The following DAB1 variants were observed in gnomAD, a reference collection of about 807,000 sequenced individuals.
The protein encoded by DAB1 is disabled homolog 1.
Under a neutral mutation model 64.6 loss-of-function variants are expected in DAB1, and 15 were observed. The observed-to-expected ratio is 0.23, with a 90% CI of 0.16 to 0.36. The LOEUF (loss-of-function observed/expected upper bound fraction) is 0.36. Among genes scored for constraint, DAB1 ranks in the 10% least tolerant of loss-of-function variants. The probability of loss-of-function intolerance (pLI) is 1.00; values close to 1 mark genes in which losing one functional copy is unlikely to be tolerated. For synonymous variants in DAB1, 235 were observed against 251.9 expected, an observed-to-expected ratio of 0.93 and a Z score of 0.64; for missense variants, 596 against 706.7, an observed-to-expected ratio of 0.84 and a Z score of 1.78.
intron 1 of DAB1, among the ~76,000 whole-genome samples, chr1:57,827,926 A>G (rs1215042160): frequency 6.6e-6 from 1 of 152,156 alleles, no homozygotes; most frequent in African/African-American, 2.4e-5. Context: ...ATATGTTGAC[A>G]TGATCATCCC....
intron 3 of DAB1, among the ~76,000 whole-genome samples, chr1:58,376,057 T>C (rs1370908943): frequency 3.3e-5 from 5 of 152,052 alleles, no homozygotes; most frequent in Non-Finnish European, 5.9e-5. Flanking sequence ...ATTGTGTCTA[T>C]TTGATTCTTC....
intron 4 of DAB1, among the ~76,000 whole-genome samples, chr1:58,230,503 A>G (rs912218972): frequency 1.3e-5 from 2 of 152,118 alleles, no homozygotes; most frequent in Non-Finnish European, 2.9e-5. Flanking sequence ...CACCTCTACA[A>G]CAAAGCCCAA....
chr1:58,174,733 C>T (rs1570447770), intron 4 of DAB1, among the ~76,000 whole-genome samples: 2 of 151,978 alleles, frequency 1.3e-5, no homozygotes, highest in East Asian at 1.9e-4. Flanking sequence ...CCAATCAGTG[C>T]TCTGTGTCTA....
chr1:57,481,282 T>C (rs1644015896), intron 7 of DAB1, among the ~76,000 whole-genome samples: 1 of 152,162 alleles, frequency 6.6e-6, no homozygotes, highest in Non-Finnish European at 1.5e-5. Flanking sequence ...CTCAATCTAA[T>C]CCAATCCCTC....
chr1:58,343,108 A>C (rs971273926), intron 4 of DAB1, among the ~76,000 whole-genome samples: 14 of 151,692 alleles, frequency 9.2e-5, no homozygotes, highest in African/African-American at 2.9e-4. Context: ...TCCAGCCCCA[A>C]CTCCCTTTTC....
intron 3 of DAB1, among the ~76,000 whole-genome samples, chr1:58,357,099 A>C (rs1226492331): frequency 6.6e-6 from 1 of 151,698 alleles, no homozygotes; most frequent in Non-Finnish European, 1.5e-5. Context: ...CCATGGGAAG[A>C]TTTTAAGCAG....
chr1:58,212,799 A>T (rs1206293303), intron 4 of DAB1, among the ~76,000 whole-genome samples: 3 of 152,126 alleles, frequency 2.0e-5, no homozygotes, highest in African/African-American at 7.2e-5. Context: ...TATTGGAATG[A>T]TTTCTAATTT....
intron 1 of DAB1, among the ~76,000 whole-genome samples, chr1:57,879,951 TCTC>T (rs1301174398): frequency 6.6e-6 from 1 of 152,078 alleles, no homozygotes; most frequent in African/African-American, 2.4e-5. Context: ...TCATTTCTCT[TCTC>T]CTGCTGACGC....
chr1:57,875,972 A>G (rs1256258615), intron 1 of DAB1, among the ~76,000 whole-genome samples: 2 of 152,208 alleles, frequency 1.3e-5, no homozygotes, highest in Non-Finnish European at 2.9e-5. Context: ...TGTCACTGCT[A>G]AGTCCAGCTC....
intron 4 of DAB1, among the ~76,000 whole-genome samples, chr1:58,219,059 CAG>C (rs1659019605): frequency 6.9e-6 from 1 of 143,920 alleles, no homozygotes; most frequent in African/African-American, 2.6e-5. Flanking sequence ...ATTTAAAATA[CAG>C]ATACATTTTT....
At chr1:57,346,065 G>C (rs961740291) in intron 1 of DAB1, among the ~76,000 whole-genome samples, 1 of 152,172 alleles carries the variant, frequency 6.6e-6, no homozygotes, top group Non-Finnish European at 1.5e-5. Flanking sequence ...GCTAGAAAAC[G>C]GAAGAGGTTA....
chr1:57,745,656 A>T (rs1648228401), intron 6 of DAB1, among the ~76,000 whole-genome samples: 1 of 152,224 alleles, frequency 6.6e-6, no homozygotes, highest in South Asian at 2.1e-4. Flanking sequence ...AATTACCAAA[A>T]ATGCAATGAA....
intron 5 of DAB1, among the ~76,000 whole-genome samples, chr1:57,966,775 T>C (rs1645676480): frequency 6.6e-6 from 1 of 152,214 alleles, no homozygotes; most frequent in African/African-American, 2.4e-5. Context: ...TTCACTTTCA[T>C]TCACTGTTTA....
chr1:57,403,001 T>C (rs1683368143), intron 1 of DAB1, among the ~76,000 whole-genome samples: 2 of 152,204 alleles, frequency 1.3e-5, no homozygotes, highest in Admixed American at 6.5e-5. Flanking sequence ...GCTTCAAAGA[T>C]ACAGGTCAGA....
chr1:58,489,527 C>G (rs950389236), intron 3 of DAB1, among the ~76,000 whole-genome samples: 2 of 152,106 alleles, frequency 1.3e-5, no homozygotes, highest in Non-Finnish European at 2.9e-5. Flanking sequence ...CAGGGCATAG[C>G]CAAACAAAAG....
intron 4 of DAB1, among the ~76,000 whole-genome samples, chr1:58,316,729 T>C (rs1662566282): frequency 6.6e-6 from 1 of 152,194 alleles, no homozygotes; most frequent in Non-Finnish European, 1.5e-5. Context: ...AGTACACTTG[T>C]TACCCCTGCT....
intron 2 of DAB1, among the ~76,000 whole-genome samples, chr1:57,214,767 C>T (rs1420369784): frequency 6.6e-6 from 1 of 151,582 alleles, no homozygotes; most frequent in Non-Finnish European, 1.5e-5. Context: ...AAATATTAGC[C>T]AGACGTGGTG....
chr1:58,233,463 T>C (rs1360807712), intron 4 of DAB1, among the ~76,000 whole-genome samples: 1 of 152,166 alleles, frequency 6.6e-6, no homozygotes, highest in Non-Finnish European at 1.5e-5. Flanking sequence ...TGGAGTGCTG[T>C]CTACAATGAG....
chr1:57,719,123 A>C (rs1647120083), intron 6 of DAB1, among the ~76,000 whole-genome samples: 1 of 152,242 alleles, frequency 6.6e-6, no homozygotes, highest in African/African-American at 2.4e-5. Context: ...ATTATCCATT[A>C]TTCAAAATTT....
Sources: gnomAD v4.1 joint callset for allele counts (sites outside exome capture counted in the v4.1 genomes callset) on GRCh38, gnomAD v4.1.1 for gene constraint, MANE v1.5 for transcripts, NCBI Gene and HGNC (gene_info 2026-07-23, HGNC 2026-07-21) for gene names.